GRIN2C: variants seen among roughly 807,000 people sequenced by gnomAD.
The protein encoded by GRIN2C is glutamate receptor ionotropic, NMDA 2C.
A neutral mutation model predicts 77.7 loss-of-function variants in GRIN2C; 64 were observed. That is an observed-to-expected ratio of 0.82 (90% CI 0.67 to 1.01). The LOEUF is 1.01. Among genes scored for constraint, GRIN2C ranks in the 50% least tolerant of loss-of-function variants. The pLI is 0.00. For missense variants in GRIN2C, 1,549 were observed against 1,486.0 expected (o/e 1.04, Z -0.70); for synonymous variants, 792 against 643.4 (o/e 1.23, Z -3.49).
At position 74,842,991 on chromosome 17, in the gene GRIN2C, A is replaced by AGCTCCGGAG. The variant is rs139495021; in HGVS notation, c.3145_3146insCTCCGGAGC (p.Glu1048_Leu1049insProProGlu). On this transcript the variant is annotated inframe_insertion, in exon 13 of 13. Transcript: ENST00000293190. ...CGGACCGAGCAGCGGCAGGTCCTCC[A>AGCTCCGGAG]GCTCCGGGAAGAGCGGGAGGAAGGG... 3.4e-4 allele frequency: 176 copies of AGCTCCGGAG among 510,954 alleles called. No homozygotes were observed. The African/African-American group carries it at 3.5e-3, about 10-fold the overall frequency. 31.7% of individuals were successfully genotyped at this position (510,954 alleles called of 1,614,324 possible).
chr17:74,850,127 G>T lies in GRIN2C; in HGVS notation c.1491+79C>A. The T allele has an allele frequency of 6.6e-7, 1 of 1,517,526 alleles. No individual in the cohort carries two copies. The highest frequency in any genetic ancestry group is 9.1e-7 in the Non-Finnish European group (1 of 1,103,550). The allele number at this position is 1,517,526 out of a possible 1,614,324, so 94.0% of individuals were successfully genotyped here. A position where few individuals can be genotyped will look rare whatever the true frequency, so the allele number is the denominator to read the frequency against. ...GTGACAGCCCATGCCCCCCTCTAGA[G>T]GGCATCTGAGAGCCACATGGGGCCT... On this transcript the variant is annotated intron_variant, in intron 6 of 12. Coordinates refer to ENST00000293190, the MANE Select transcript of GRIN2C (RefSeq NM_000835.6). This position sits in a 1 kb window ranked among gnomAD's most constrained non-coding sequence, Gnocchi z 5.3.
Position 74,842,938 on chromosome 17 carries a change from GC to G in GRIN2C, c.3198del (p.Leu1067CysfsTer144). On this transcript the variant is annotated frameshift_variant, in exon 13 of 13. Coordinates refer to ENST00000293190, the MANE Select transcript of GRIN2C (RefSeq NM_000835.6). LOFTEE classifies it low-confidence loss of function (END_TRUNC). The stretch of plus-strand genomic sequence containing the variant: ...GAGCCCCGGGCCCAGGCCGCGTGCA[GC>G]AGGGCCTCCCGCCGGGCCAGCTGCT... ...GPEQLARREA[L>X]LHAAWARGSR... 1.8e-6 allele frequency: 1 copy of G among 561,280 alleles called. No homozygotes were observed. The highest frequency in any genetic ancestry group is 3.1e-6 in the Non-Finnish European group (1 of 319,256). The allele number at this position is 561,280 out of a possible 1,614,324, so 34.8% of individuals were successfully genotyped here.
chr17:74,847,254 C>A lies in GRIN2C; in HGVS notation c.2001+54G>T. The A allele has an allele frequency of 9.4e-7, 1 of 1,064,908 alleles. No individual in the cohort carries two copies. 66.0% of individuals were successfully genotyped at this position (1,064,908 alleles called of 1,614,324 possible). A position where few individuals can be genotyped will look rare whatever the true frequency, so the allele number is the denominator to read the frequency against. On this transcript the variant is annotated intron_variant, in intron 9 of 12. Coordinates refer to ENST00000293190, the MANE Select transcript of GRIN2C (RefSeq NM_000835.6). The surrounding 1 kb of genome is among the most constrained non-coding windows in gnomAD (Gnocchi z 5.2). ...CTGTCCAGGGCCTGCCCACTCACGG[C>A]CTGTCCCCACCCTCAGTGCCCCCCC...
chr17:74,850,432 C>T lies in GRIN2C; in HGVS notation c.1326-61G>A. On this transcript the variant is annotated intron_variant, in intron 5 of 12. Transcript: ENST00000293190. The surrounding 1 kb of genome is among the most constrained non-coding windows in gnomAD (Gnocchi z 5.3). ...GAGTATGTCGTGGCCCAGCCCCGCC[C>T]CAGCCACTCCTCCAGCCTGGCACGT... 1.9e-6 allele frequency: 3 copies of T among 1,585,880 alleles called. No individual in the cohort carries two copies. The highest frequency in any genetic ancestry group is 1.7e-6 in the Non-Finnish European group (2 of 1,163,520).
Position 74,847,046 on chromosome 17 carries a change from G to A in GRIN2C, c.2002-126C>T, listed in dbSNP as rs2037479622. 5.0e-6 allele frequency: 5 copies of A among 1,001,644 alleles called. No individual in the cohort carries two copies. Among genetic ancestry groups the A allele is most frequent in the Non-Finnish European group, 7.3e-6 (5 of 689,228 alleles). 62.0% of individuals were successfully genotyped at this position (1,001,644 alleles called of 1,614,324 possible). Reference sequence around the variant, plus strand: ...ATAGTCAGAGCAGAAGGTCTTAAAGGCTGTCCAGGCCACTCCTGTGTTTTC... The same window carrying A: ...ATAGTCAGAGCAGAAGGTCTTAAAGACTGTCCAGGCCACTCCTGTGTTTTC... On this transcript the variant is annotated intron_variant, in intron 9 of 12. Transcript: ENST00000293190. The surrounding 1 kb of genome is among the most constrained non-coding windows in gnomAD (Gnocchi z 5.2).
chr17:74,861,328 G>T (rs2037948903), upstream of GRIN2C: 1 of 152,152 alleles, frequency 6.6e-6, no homozygotes, highest in Non-Finnish European at 1.5e-5. Context: ...CCCCCCGGGT[G>T]TCCCGCCTCT....
chr17:74,860,683 C>T (rs897500380), upstream of GRIN2C: 3 of 353,210 alleles, frequency 8.5e-6, no homozygotes, highest in Admixed American at 3.8e-5. Flanking sequence ...CCTACCCTTC[C>T]CTTTGCGCTC....
At chr17:74,860,026 A>C (rs1444312960), upstream of GRIN2C, among the ~76,000 whole-genome samples, 3 of 126,210 alleles carry the variant, frequency 2.4e-5, no homozygotes, top group Admixed American at 7.5e-5. Context: ...CCCCACCCCC[A>C]CTCCCCCAAG....
intron 12 of GRIN2C, 34 bp from the exon 13 acceptor site, chr17:74,843,587 C>T (rs1033894793): frequency 2.6e-6 from 4 of 1,526,320 alleles, no homozygotes; most frequent in South Asian, 2.4e-5. Flanking sequence ...CCGTAAGCAG[C>T]GCCCTCCGCT....
rs2037594630 is a variant in GRIN2C at position 74,850,255 on chromosome 17, C to T, written c.1442G>A (p.Gly481Asp). The change falls in exon 6 of 13, where the codon GGC becomes GAC. Residue 481 changes from glycine to aspartate, a missense_variant. By Grantham distance (94) the Gly-to-Asp change is moderately conservative (BLOSUM62 -1). Around this residue, in one of 3 missense-constraint regions of GRIN2C, gnomAD observed 717 missense variants for 858.1 expected, o/e 0.84. Transcript: ENST00000293190. This position sits in a 1 kb window ranked among gnomAD's most constrained non-coding sequence, Gnocchi z 5.3. The part of the protein sequence containing the change: ...FSYDLYLVTN[G>D]KHGKRVRGVW... ...GCCGCGCACCCGCTTGCCATGCTTG[C>T]CGTTGGTCACCAGGTACAGGTCGTA... The T allele has an allele frequency of 6.2e-7, 1 of 1,613,836 alleles. No individual in the cohort carries two copies. Among genetic ancestry groups the T allele is most frequent in the Non-Finnish European group, 8.5e-7 (1 of 1,180,000 alleles).
At chr17:74,857,261 A>G (rs2037842950) in intron 1 of GRIN2C, among the ~76,000 whole-genome samples, 2 of 152,222 alleles carry the variant, frequency 1.3e-5, no homozygotes, top group East Asian at 1.9e-4. Context: ...GGGACTGATC[A>G]TAGCTGAAAG....
intron 12 of GRIN2C, 148 bp downstream of exon 12, chr17:74,844,128 C>A (rs2037386236): frequency 7.1e-7 from 1 of 1,415,416 alleles, no homozygotes; most frequent in Admixed American, 2.7e-5. Flanking sequence ...CTGGCCTAAG[C>A]CTCTCAAAGT....
At chr17:74,860,217 C>A (rs1175082412), upstream of GRIN2C, among the ~76,000 whole-genome samples, 3 of 152,358 alleles carry the variant, frequency 2.0e-5, 1 homozygote, top group Admixed American at 2.0e-4. Context: ...TCACTAGCAC[C>A]GCCAAGACCT....
In GRIN2C at chr17:74,846,103, C is replaced by T; in HGVS notation, c.2313G>A (p.Arg771=). 1.2e-6 allele frequency: 2 copies of T among 1,614,216 alleles called. No homozygotes were observed. Among genetic ancestry groups the T allele is most frequent in the Non-Finnish European group, 8.5e-7 (1 of 1,180,022 alleles). Reference sequence around the variant, plus strand: ...ACTGCAAGAGCGCCAGGTCTATGGCCCGCTTCCAGTGGGAGTCCTTCTGCA... The same window carrying T: ...ACTGCAAGAGCGCCAGGTCTATGGCTCGCTTCCAGTGGGAGTCCTTCTGCA... ...IAMQKDSHWK[R]AIDLALLQFL... is the part of the protein sequence containing the mutation. Residue 771 remains arginine, a synonymous_variant, in exon 11 of 13, where the codon CGG becomes CGA. Transcript: ENST00000293190. This position sits in a 1 kb window ranked among gnomAD's most constrained non-coding sequence, Gnocchi z 4.4.
chr17:74,855,731 G>C (rs1415045509), intron 1 of GRIN2C, among the ~76,000 whole-genome samples: 1 of 143,862 alleles, frequency 7.0e-6, no homozygotes, highest in African/African-American at 2.6e-5. Flanking sequence ...AGTCTAAACC[G>C]GATCTTCCAT....
chr17:74,847,457 C>A lies in GRIN2C; in HGVS notation c.1852G>T (p.Glu618Ter). The A allele has an allele frequency of 6.2e-7, 1 of 1,614,080 alleles. No homozygotes were observed. The highest frequency in any genetic ancestry group is 8.5e-7 in the Non-Finnish European group (1 of 1,179,986). Residue 618 changes from glutamate (E) to a stop codon, truncating the protein, a stop_gained, in exon 9 of 13, where the codon GAG becomes TAG. Transcript: ENST00000293190. LOFTEE classifies it high-confidence loss of function. The surrounding 1 kb of genome is among the most constrained non-coding windows in gnomAD (Gnocchi z 5.2). ...ALVFNNSVPI[E>*]NPRGTTSKIM... ...TTGCTGGTGGTGCCCCGCGGGTTCT[C>A]GATGGGCACTGAGTTGTTGAAGACC... is the stretch of plus-strand genomic sequence containing the variant.
In GRIN2C at chr17:74,842,613, C is replaced by G. The variant is rs372185434; in HGVS notation, c.3524G>C (p.Gly1175Ala). ...CCCCCAGGCCCCGGAGAGCCAGGAG[C>G]CGTGGCTGGCACAGGGTGGAAGGTG... The part of the protein sequence containing the change: ...CPHLPPCASH[G>A]SWLSGAWGPL... The change falls in exon 13 of 13, where the codon GGC becomes GCC. Residue 1175 changes from glycine (G) to alanine (A), a missense_variant. By Grantham distance (60) the Gly-to-Ala change is moderately conservative. Coordinates refer to ENST00000293190, the MANE Select transcript of GRIN2C (RefSeq NM_000835.6). 5.3e-6 allele frequency: 4 copies of G among 761,362 alleles called. No homozygotes were observed. The African/African-American group carries it at 6.8e-5, about 13-fold the overall frequency. The allele number at this position is 761,362 out of a possible 1,614,324, so 47.2% of individuals were successfully genotyped here.
At chr17:74,845,788 C>T (rs1191220328) in intron 11 of GRIN2C, among the ~76,000 whole-genome samples, 2 of 152,086 alleles carry the variant, frequency 1.3e-5, no homozygotes, top group Non-Finnish European at 2.9e-5. Flanking sequence ...AGCCACTCCA[C>T]CCATCCCCAC....
rs201943001 is a variant in GRIN2C, at chr17:74,849,874, G to A, written c.1551C>T (p.Ser517=). ...IGSLTINEER[S]EIVDFSVPFV... is the part of the protein sequence containing the mutation. The stretch of plus-strand genomic sequence containing the variant: ...AGGGTACAGAGAAGTCTACGATCTC[G>A]GAGCGTTCCTCATTGATGGTGAGGG... The change falls in exon 7 of 13, where the codon TCC becomes TCT. Residue 517 remains serine (S), a synonymous_variant. Transcript: ENST00000293190. The surrounding 1 kb of genome is among the most constrained non-coding windows in gnomAD (Gnocchi z 4.6). 2.7e-5 allele frequency: 43 copies of A among 1,613,532 alleles called. No homozygotes were observed. The highest frequency in any genetic ancestry group is 5.3e-5 in the African/African-American group (4 of 74,886).
Sources: allele counts gnomAD v4.1 joint callset (sites outside exome capture counted in the v4.1 genomes callset), GRCh38; gene constraint gnomAD v4.1.1; regional missense constraint gnomAD v4.1.1; non-coding constraint Gnocchi (gnomAD v3.1); transcripts MANE v1.5; gene names NCBI Gene and HGNC (gene_info 2026-07-23, HGNC 2026-07-21).